The following MIS18A variants were observed in gnomAD, a reference collection of about 807,000 sequenced individuals.
MIS18A encodes the protein MIS18 kinetochore protein A.
Under a neutral mutation model 25.0 loss-of-function variants are expected in MIS18A, and 14 were observed. The ratio of observed to expected loss-of-function variants is 0.56; its 90% CI spans 0.37 to 0.88. The LOEUF is 0.88. Among genes scored for constraint, MIS18A ranks in the 40% least tolerant of loss-of-function variants. MIS18A has a pLI of 0.00. For missense variants in MIS18A, 292 were observed against 290.8 expected (o/e 1.00, Z -0.03); for synonymous variants, 134 against 118.6 (o/e 1.13, Z -0.84).
intron 4 of MIS18A, 138 bp from the exon 5 acceptor site, chr21:32,269,255 CA>C: frequency 1.6e-6 from 1 of 641,444 alleles, no homozygotes; most frequent in Non-Finnish European, 2.5e-6. Flanking sequence ...CAGTGTTTAA[CA>C]AAACTATTTA....
the MIS18A span, among the ~76,000 whole-genome samples, chr21:32,174,154 G>A: frequency 6.6e-6 from 1 of 151,462 alleles, no homozygotes; most frequent in Non-Finnish European, 1.5e-5. Context: ...TAGTAGAGAC[G>A]GGGTTTCACC....
chr21:32,203,355 C>G, the MIS18A span, among the ~76,000 whole-genome samples: 1 of 151,614 alleles, frequency 6.6e-6, no homozygotes, highest in African/African-American at 2.4e-5. Flanking sequence ...GAGCTTAGTA[C>G]AAGTCATGAT....
At chr21:32,162,439 C>CG in the MIS18A span, among the ~76,000 whole-genome samples, 2 of 152,160 alleles carry the variant, frequency 1.3e-5, no homozygotes, top group South Asian at 4.1e-4. Flanking sequence ...CTGTGGGAGA[C>CG]GGGGGATCTT....
At chr21:32,193,694 G>A in the MIS18A span, among the ~76,000 whole-genome samples, 1 of 151,652 alleles carries the variant, frequency 6.6e-6, no homozygotes, top group African/African-American at 2.4e-5. Flanking sequence ...GTCCACTACT[G>A]TCAACTATAA....
chr21:32,222,745 C>T, the MIS18A span, among the ~76,000 whole-genome samples: 1 of 116 alleles, frequency 8.6e-3, no homozygotes. Context: ...TCCTGGCTAA[C>T]ATGGTGAAAC....
At chr21:32,160,760 T>C in the MIS18A span, among the ~76,000 whole-genome samples, 2,768 of 151,740 alleles carry the variant, frequency 0.018, 74 homozygotes, top group African/African-American at 0.055. Context: ...GCCTCCCGAG[T>C]AGCTGGGATT....
At chr21:32,218,002 G>A in the MIS18A span, among the ~76,000 whole-genome samples, 2 of 151,678 alleles carry the variant, frequency 1.3e-5, no homozygotes, top group Non-Finnish European at 2.9e-5. Flanking sequence ...TACCATCCTG[G>A]CTAACATGGT....
chr21:32,188,912 C>A, the MIS18A span, among the ~76,000 whole-genome samples: 4 of 152,188 alleles, frequency 2.6e-5, no homozygotes, highest in Admixed American at 6.5e-5. Flanking sequence ...CAGAAGAGGC[C>A]ACCAAATCAA....
chr21:32,223,292 G>C, the MIS18A span, among the ~76,000 whole-genome samples: 1 of 151,808 alleles, frequency 6.6e-6, no homozygotes, highest in East Asian at 1.9e-4. Context: ...AGAACTGAAG[G>C]AGATAGAGAC....
At chr21:32,248,852 C>A in the MIS18A span, among the ~76,000 whole-genome samples, 1 of 152,132 alleles carries the variant, frequency 6.6e-6, no homozygotes, top group African/African-American at 2.4e-5. Context: ...TGTCTTGTAG[C>A]AAAAGGACAT....
the MIS18A span, among the ~76,000 whole-genome samples, chr21:32,199,679 G>C: frequency 1.3e-5 from 2 of 152,002 alleles, no homozygotes; most frequent in Admixed American, 6.6e-5. Context: ...ATGGTGACAC[G>C]CACCTGTAAT....
the MIS18A span, among the ~76,000 whole-genome samples, chr21:32,240,470 A>G: frequency 2.6e-5 from 4 of 152,246 alleles, no homozygotes; most frequent in African/African-American, 9.6e-5. Context: ...TGTGAGAACT[A>G]AATTTCTCAC....
chr21:32,256,184 T>G, the MIS18A span, among the ~76,000 whole-genome samples: 3 of 152,144 alleles, frequency 2.0e-5, no homozygotes, highest in African/African-American at 4.8e-5. Flanking sequence ...TAAAGAGAAT[T>G]ACTCTACTCT....
At chr21:32,262,095 G>A in the MIS18A span, among the ~76,000 whole-genome samples, 1 of 152,176 alleles carries the variant, frequency 6.6e-6, no homozygotes, top group South Asian at 2.1e-4. Flanking sequence ...TAGCCAAGTG[G>A]GACTTCAGGC....
chr21:32,237,487 TG>T, the MIS18A span, among the ~76,000 whole-genome samples: 1 of 152,200 alleles, frequency 6.6e-6, no homozygotes, highest in African/African-American at 2.4e-5. Context: ...ACACTTACAA[TG>T]GGCTAAGCCT....
At chr21:32,160,276 C>T in the MIS18A span, among the ~76,000 whole-genome samples, 3 of 149,154 alleles carry the variant, frequency 2.0e-5, no homozygotes, top group Non-Finnish European at 3.0e-5. Context: ...CCTCAATAAA[C>T]ACCTCTGCAA....
the MIS18A span, among the ~76,000 whole-genome samples, chr21:32,202,161 T>C: frequency 6.6e-6 from 1 of 151,828 alleles, no homozygotes; most frequent in East Asian, 2.0e-4. Context: ...TGGTGATGCA[T>C]GCCTGTAGTC....
In MIS18A at chr21:32,274,934, G is replaced by A. The variant is rs886101900; in HGVS notation, c.335-38C>T. 5.9e-6 allele frequency: 9 copies of A among 1,530,762 alleles called. No homozygotes were observed. The African/African-American group carries it at 1.2e-4, about 21-fold the overall frequency. 94.8% of individuals were successfully genotyped at this position (1,530,762 alleles called of 1,614,324 possible). A position where few individuals can be genotyped will look rare whatever the true frequency, so the allele number is the denominator to read the frequency against. On this transcript the variant is annotated intron_variant, in intron 1 of 4. Transcript: ENST00000290130. ...AAAGTAACAATAATTTATTAATGTA[G>A]TTCGTTATAACATACCTGCAGACAG...
downstream of MIS18A, among the ~76,000 whole-genome samples, chr21:32,265,796 G>C (rs1387773600): frequency 6.6e-6 from 1 of 152,280 alleles, no homozygotes; most frequent in African/African-American, 2.4e-5. Context: ...CTGGGCTCCT[G>C]AGTCTGGTGG....
Sources: gnomAD v4.1 joint callset for allele counts (sites outside exome capture counted in the v4.1 genomes callset) on GRCh38, gnomAD v4.1.1 for gene constraint, MANE v1.5 for transcripts, NCBI Gene and HGNC (gene_info 2026-07-23, HGNC 2026-07-21) for gene names.